SRCIN1: variants seen among roughly 807,000 people sequenced by gnomAD.
The protein encoded by SRCIN1 is SRC kinase signaling inhibitor 1.
In SRCIN1, 50 loss-of-function variants were observed where a neutral mutation model predicts 116.2. That is an observed-to-expected ratio of 0.43 (90% CI 0.34 to 0.54). The LOEUF (loss-of-function observed/expected upper bound fraction) is 0.54. SRCIN1 is among the 20% of genes least tolerant of loss of function. The probability of loss-of-function intolerance (pLI) is 0.02; values close to 1 mark genes in which losing one functional copy is unlikely to be tolerated. For missense variants in SRCIN1, 1,446 were observed against 1,672.0 expected (o/e 0.86, Z 2.36); for synonymous variants, 736 against 750.0 (o/e 0.98, Z 0.30).
At chr17:38,548,971 T>A (rs1249277435) in intron 16 of SRCIN1, 85 bp downstream of exon 16, 2 of 1,450,232 alleles carry the variant, frequency 1.4e-6, no homozygotes, top group Non-Finnish European at 1.8e-6. Flanking sequence ...GGGGTCTCTT[T>A]CCCACCCCAG....
intron 1 of SRCIN1, among the ~76,000 whole-genome samples, chr17:38,600,667 G>A (rs984105430): frequency 6.6e-6 from 1 of 152,212 alleles, no homozygotes; most frequent in African/African-American, 2.4e-5. Flanking sequence ...AGGCCCTGGA[G>A]GGTGCACAGC....
Position 38,564,256 on chromosome 17 carries a change from T to A in SRCIN1, c.403A>T (p.Lys135Ter). ...AQPGLADQAAKLSYASAESLE... is the reference protein window; with the variant it reads ...AQPGLADQAA Reference sequence around the variant, plus strand: ...GACTCGGCGGAGGCGTAGGACAGCTTTGCCGCCTGGTCTGCCAGCCCGGGC... The same window carrying A: ...GACTCGGCGGAGGCGTAGGACAGCTATGCCGCCTGGTCTGCCAGCCCGGGC... Residue 135 changes from lysine (K) to a stop codon, truncating the protein, a stop_gained, in exon 4 of 19, where the codon AAG becomes TAG. Transcript: ENST00000617146. LOFTEE classifies it high-confidence loss of function. The A allele has an allele frequency of 6.3e-7, 1 of 1,575,402 alleles. No individual in the cohort carries two copies. Among genetic ancestry groups the A allele is most frequent in the Non-Finnish European group, 8.6e-7 (1 of 1,162,836 alleles).
In SRCIN1 at chr17:38,551,222, C is replaced by T. The variant is rs779224684; in HGVS notation, c.2895G>A (p.Lys965=). The part of the protein sequence containing the change: ...HPGPAPTPDH[K]PPKAPHGQKA... ...TCTGGCCGTGGGGGGCCTTGGGGGGCTTGTGATCTGGAGTGGGGGCCGGGC... is the reference window on the plus strand; with the variant it reads ...TCTGGCCGTGGGGGGCCTTGGGGGGTTTGTGATCTGGAGTGGGGGCCGGGC... The change falls in exon 15 of 19, where the codon AAG becomes AAA. Residue 965 remains lysine, a synonymous_variant. Transcript: ENST00000617146. 6 of 1,607,430 alleles carry T rather than the reference C, an allele frequency of 3.7e-6. No individual in the cohort carries two copies. The Admixed American group carries it at 5.0e-5, about 13-fold the overall frequency.
chr17:38,568,072 G>T lies in SRCIN1; in HGVS notation c.345+139C>A. 9.6e-7 allele frequency: 1 copy of T among 1,046,638 alleles called. No individual in the cohort carries two copies. Among genetic ancestry groups the T allele is most frequent in the Non-Finnish European group, 1.4e-6 (1 of 692,454 alleles). The allele number at this position is 1,046,638 out of a possible 1,614,324, so 64.8% of individuals were successfully genotyped here. On this transcript the variant is annotated intron_variant, in intron 3 of 18. Coordinates refer to ENST00000617146, the MANE Select transcript of SRCIN1 (RefSeq NM_025248.3). This position sits in a 1 kb window ranked among gnomAD's most constrained non-coding sequence, Gnocchi z 4.5. ...CCCAAAGCAGCAGCCACAGCCTGCA[G>T]CCCCGAGGCCCACCGCCCATACCAG...
In SRCIN1 at chr17:38,552,167, C is replaced by T; in HGVS notation, c.2481-35G>A. 6.3e-7 allele frequency: 1 copy of T among 1,585,874 alleles called. No individual in the cohort carries two copies. Among genetic ancestry groups the T allele is most frequent in the African/African-American group, 1.3e-5 (1 of 74,576 alleles). ...GGAGAGTTGGGAGCAGCTGTGAGGC[C>T]AGCAGGTGGTGACCCTTCTGCAGGA... On this transcript the variant is annotated intron_variant, in intron 13 of 18. Coordinates refer to ENST00000617146, the MANE Select transcript of SRCIN1 (RefSeq NM_025248.3). This position sits in a 1 kb window ranked among gnomAD's most constrained non-coding sequence, Gnocchi z 5.3.
chr17:38,565,158 G>A (rs1460872712), intron 3 of SRCIN1, among the ~76,000 whole-genome samples: 1 of 152,168 alleles, frequency 6.6e-6, no homozygotes, highest in African/African-American at 2.4e-5. Context: ...CCGTGGGGGA[G>A]GGGGAGTCAG....
chr17:38,538,773 A>T (rs1280484077), intron 18 of SRCIN1, among the ~76,000 whole-genome samples: 1 of 152,178 alleles, frequency 6.6e-6, no homozygotes, highest in Non-Finnish European at 1.5e-5. Flanking sequence ...GCTCCCTGGC[A>T]GGGCAACAGA....
At chr17:38,578,122 C>T (rs578190269) in intron 2 of SRCIN1, among the ~76,000 whole-genome samples, 1 of 152,348 alleles carries the variant, frequency 6.6e-6, no homozygotes, top group South Asian at 2.1e-4. Context: ...ACAGGATGGA[C>T]TCTCAGGCAC....
chr17:38,533,520 TC>T, intron 18 of SRCIN1, 89 bp from the exon 19 acceptor site: 1 of 1,004,948 alleles, frequency 1.0e-6, no homozygotes, highest in Non-Finnish European at 1.3e-6. Flanking sequence ...GTGGAAAACC[TC>T]CACAAATCCA....
intron 18 of SRCIN1, among the ~76,000 whole-genome samples, chr17:38,540,420 C>T (rs188913545): frequency 1.3e-5 from 2 of 151,514 alleles, no homozygotes; most frequent in Non-Finnish European, 3.0e-5. Context: ...CCACCCCCGC[C>T]GGCCACCGTA....
chr17:38,556,736 T>C (rs1905832234), intron 11 of SRCIN1, among the ~76,000 whole-genome samples: 1 of 152,124 alleles, frequency 6.6e-6, no homozygotes, highest in Non-Finnish European at 1.5e-5. Context: ...TCCCAAGCTC[T>C]CTGAGTAATG....
chr17:38,539,559 G>A (rs1904600238), intron 18 of SRCIN1, among the ~76,000 whole-genome samples: 1 of 152,088 alleles, frequency 6.6e-6, no homozygotes, highest in Non-Finnish European at 1.5e-5. Flanking sequence ...CTGTGTCACA[G>A]GCAGCAGCTG....
intron 10 of SRCIN1, chr17:38,559,346 G>C: frequency 1.8e-6 from 1 of 555,024 alleles, no homozygotes; most frequent in Non-Finnish European, 3.2e-6. Flanking sequence ...GGCTCAATGA[G>C]GGGGTCACGG....
chr17:38,590,783 T>C (rs1324789119), intron 1 of SRCIN1, among the ~76,000 whole-genome samples: 1 of 152,204 alleles, frequency 6.6e-6, no homozygotes, highest in African/African-American at 2.4e-5. Flanking sequence ...CTACACTCTG[T>C]TGCCCCTGAG....
In SRCIN1 at chr17:38,560,472, C is replaced by A. The variant is rs1443860460; in HGVS notation, c.1701-47G>T. The A allele has an allele frequency of 2.0e-6, 3 of 1,476,146 alleles. No individual in the cohort carries two copies. In the South Asian group the frequency reaches 3.6e-5, roughly 18 times the overall value. The allele number at this position is 1,476,146 out of a possible 1,614,324, so 91.4% of individuals were successfully genotyped here. A position where few individuals can be genotyped will look rare whatever the true frequency, so the allele number is the denominator to read the frequency against. On this transcript the variant is annotated intron_variant, in intron 7 of 18. Transcript: ENST00000617146. ...GCAACCTCGCCTCTGAGCATAGGGT[C>A]TCTCCTGCCCAGCCCCCCATTCCTA...
intron 18 of SRCIN1, among the ~76,000 whole-genome samples, chr17:38,534,282 A>T: frequency 6.6e-6 from 1 of 152,246 alleles, no homozygotes; most frequent in South Asian, 2.1e-4. Context: ...TCCAGGGGCC[A>T]CCCTCTGGCA....
chr17:38,554,736 A>G (rs1177384854), intron 11 of SRCIN1, among the ~76,000 whole-genome samples: 1 of 152,200 alleles, frequency 6.6e-6, no homozygotes, highest in Non-Finnish European at 1.5e-5. Flanking sequence ...TGAACAAGGG[A>G]GAGAAGGAAC....
chr17:38,594,424 A>G (rs972352767), intron 1 of SRCIN1, among the ~76,000 whole-genome samples: 14 of 152,182 alleles, frequency 9.2e-5, no homozygotes, highest in African/African-American at 3.4e-4. Flanking sequence ...CCAGCTGCCC[A>G]CCCAGATTGT....
chr17:38,605,070 A>AG (rs919757509), intron 1 of SRCIN1, among the ~76,000 whole-genome samples: 27 of 151,612 alleles, frequency 1.8e-4, no homozygotes, highest in South Asian at 6.3e-4. Flanking sequence ...AGGTGCGGGG[A>AG]GGGGGGGTGT....
Sources: allele counts gnomAD v4.1 joint callset (sites outside exome capture counted in the v4.1 genomes callset), GRCh38; gene constraint gnomAD v4.1.1; non-coding constraint Gnocchi (gnomAD v3.1); transcripts MANE v1.5; gene names NCBI Gene and HGNC (gene_info 2026-07-23, HGNC 2026-07-21).